SAMMSON: variants seen among roughly 807,000 people sequenced by gnomAD.
SAMMSON encodes the protein long intergenic non-protein coding RNA 1212.
At chr3:70,018,679 G>C (rs1461621450) in intron 3 of SAMMSON, among the ~76,000 whole-genome samples, 2 of 152,064 alleles carry the variant, frequency 1.3e-5, no homozygotes, top group African/African-American at 4.8e-5. Flanking sequence ...ATGTTAGGGT[G>C]TCAATTTTAG....
chr3:70,173,108 C>G (rs1018879258), intron 4 of SAMMSON, among the ~76,000 whole-genome samples: 2 of 151,848 alleles, frequency 1.3e-5, no homozygotes, highest in Non-Finnish European at 2.9e-5. Context: ...CCACTAAAAG[C>G]CCACTACATT....
intron 4 of SAMMSON, among the ~76,000 whole-genome samples, chr3:70,227,648 AC>A (rs1405055173): frequency 2.0e-5 from 3 of 152,214 alleles, no homozygotes; most frequent in Non-Finnish European, 4.4e-5. Flanking sequence ...TTTTGCACCA[AC>A]CTAATAATAC....
At chr3:70,419,317 G>A (rs931540260) in intron 2 of SAMMSON, among the ~76,000 whole-genome samples, 1 of 152,052 alleles carries the variant, frequency 6.6e-6, no homozygotes, top group Non-Finnish European at 1.5e-5. Context: ...ACAGACATGA[G>A]CCACTGCGCC....
intron 4 of SAMMSON, among the ~76,000 whole-genome samples, chr3:70,149,214 C>T (rs1442039966): frequency 6.6e-6 from 1 of 151,866 alleles, no homozygotes; most frequent in African/African-American, 2.4e-5. Flanking sequence ...GTTTACAAAC[C>T]ATTTATGTTG....
At chr3:70,210,289 A>T (rs188415328) in intron 4 of SAMMSON, among the ~76,000 whole-genome samples, 1 of 152,212 alleles carries the variant, frequency 6.6e-6, no homozygotes, top group East Asian at 1.9e-4. Flanking sequence ...GAGAAGTTAA[A>T]CTGCCATTCA....
intron 4 of SAMMSON, among the ~76,000 whole-genome samples, chr3:70,104,471 G>T (rs1325284592): frequency 1.3e-5 from 2 of 152,018 alleles, no homozygotes; most frequent in Non-Finnish European, 2.9e-5. Flanking sequence ...GATGCTGATA[G>T]AAGTAAAAGC....
At chr3:70,064,743 G>A (rs1270515656) in intron 3 of SAMMSON, among the ~76,000 whole-genome samples, 1 of 152,090 alleles carries the variant, frequency 6.6e-6, no homozygotes, top group Non-Finnish European at 1.5e-5. Context: ...GCTATTGGAT[G>A]AGTCATTTTA....
intron 9 of SAMMSON, among the ~76,000 whole-genome samples, chr3:70,389,227 A>T (rs2106756263): frequency 6.6e-6 from 1 of 152,230 alleles, no homozygotes; most frequent in East Asian, 1.9e-4. Context: ...ACCCAGTCTC[A>T]GGTATTCTGT....
chr3:70,388,701 T>G (rs1422750190), intron 9 of SAMMSON, among the ~76,000 whole-genome samples: 1 of 152,146 alleles, frequency 6.6e-6, no homozygotes, highest in Non-Finnish European at 1.5e-5. Context: ...TTGCCTTGAA[T>G]GTGAACATGA....
intron 7 of SAMMSON, among the ~76,000 whole-genome samples, chr3:70,328,902 G>GA (rs1702600523): frequency 1.3e-5 from 2 of 152,038 alleles, no homozygotes. Flanking sequence ...GTACTAAACA[G>GA]AAAAATCTTA....
At chr3:70,021,679 GA>G (rs1025883492) in intron 3 of SAMMSON, among the ~76,000 whole-genome samples, 4 of 151,938 alleles carry the variant, frequency 2.6e-5, no homozygotes, top group Admixed American at 6.6e-5. Flanking sequence ...TATTAACAGG[GA>G]AAAAAACCCA....
chr3:70,413,601 C>G (rs1575644368), intron 2 of SAMMSON, among the ~76,000 whole-genome samples: 1 of 152,124 alleles, frequency 6.6e-6, no homozygotes, highest in African/African-American at 2.4e-5. Context: ...GAGGGCACAA[C>G]TACATATTTG....
At chr3:70,103,024 A>C (rs1209353194) in intron 4 of SAMMSON, among the ~76,000 whole-genome samples, 1 of 152,146 alleles carries the variant, frequency 6.6e-6, no homozygotes, top group Non-Finnish European at 1.5e-5. Flanking sequence ...ATGCACAGTG[A>C]AATGGGTCAT....
chr3:70,412,114 T>A (rs564848027), intron 2 of SAMMSON, among the ~76,000 whole-genome samples: 16 of 152,178 alleles, frequency 1.1e-4, no homozygotes, highest in Admixed American at 4.6e-4. Flanking sequence ...TTTAAAGGAC[T>A]AATTCAATGC....
chr3:70,286,893 T>A (rs7615220), intron 6 of SAMMSON, among the ~76,000 whole-genome samples: 10,032 of 151,996 alleles, frequency 0.066, 899 homozygotes, highest in East Asian at 0.48. Context: ...CTTGTGATTT[T>A]TGTACATTGA....
rs1422488284 is a variant in SAMMSON, at chr3:70,108,425, T to TTTTTTATTTTTTA, written n.507+36865_507+36866insATTTTTTATTTTT. Among the ~76,000 whole-genome samples, 32 of 132,208 alleles carry TTTTTTATTTTTTA rather than the reference T, an allele frequency of 2.4e-4. 1 individual carries two copies. Among genetic ancestry groups the TTTTTTATTTTTTA allele is most frequent in the African/African-American group, 9.1e-4 (30 of 32,876 alleles). The allele number at this position is 132,208 out of a possible 152,430, so 86.7% of individuals were successfully genotyped here. ...GTGTTTCTCAACTCTTGCGGTTCCTTTTTTTTTTTTTTTTTTATCATAACT... is the reference window on the plus strand; with the variant it reads ...GTGTTTCTCAACTCTTGCGGTTCCTTTTTTTATTTTTTATTTTTTTTTTTTTTTTATCATAACT... On this transcript the variant is annotated intron_variant and non_coding_transcript_variant, in intron 4 of 9. Coordinates refer to ENST00000642114, the Ensembl canonical transcript of SAMMSON.
chr3:70,329,789 G>T (rs1702607666), intron 7 of SAMMSON, among the ~76,000 whole-genome samples: 1 of 151,692 alleles, frequency 6.6e-6, no homozygotes, highest in Non-Finnish European at 1.5e-5. Flanking sequence ...TTTATCTCTG[G>T]TTTGCTTAAT....
chr3:70,351,741 C>T (rs1211795356), intron 7 of SAMMSON, among the ~76,000 whole-genome samples: 1 of 152,048 alleles, frequency 6.6e-6, no homozygotes, highest in Non-Finnish European at 1.5e-5. Flanking sequence ...CTCTCTCTAA[C>T]CAAATAACCA....
intron 4 of SAMMSON, among the ~76,000 whole-genome samples, chr3:70,212,210 A>G (rs953871645): frequency 9.2e-5 from 14 of 152,274 alleles, no homozygotes; most frequent in African/African-American, 3.4e-4. Context: ...TCAGAGAAGC[A>G]CAACAAATGG....
Sources: gnomAD v4.1 joint callset for allele counts (sites outside exome capture counted in the v4.1 genomes callset) on GRCh38, gnomAD v4.1.1 for gene constraint, MANE v1.5 for transcripts, NCBI Gene and HGNC (gene_info 2026-07-23, HGNC 2026-07-21) for gene names.